Variants in B3GAT2 observed in about 807,000 individuals in gnomAD.
B3GAT2 encodes the protein galactosylgalactosylxylosylprotein 3-beta-glucuronosyltransferase 2.
A neutral mutation model predicts 27.8 loss-of-function variants in B3GAT2; 26 were observed. That is an observed-to-expected ratio of 0.93 (90% CI 0.68 to 1.30). The LOEUF (loss-of-function observed/expected upper bound fraction) is 1.30. Among genes scored for constraint, B3GAT2 ranks in the 50% most tolerant of loss-of-function variants. The probability of loss-of-function intolerance (pLI) is 0.00; values close to 1 mark genes in which losing one functional copy is unlikely to be tolerated. For synonymous variants in B3GAT2, 218 were observed against 195.1 expected (o/e 1.12, Z -0.98); for missense variants, 458 against 459.0 (o/e 1.00, Z 0.02).
chr6:70,901,506 T>C (rs971091775), intron 1 of B3GAT2, among the ~76,000 whole-genome samples: 3 of 152,228 alleles, frequency 2.0e-5, no homozygotes, highest in Non-Finnish European at 2.9e-5. Flanking sequence ...CAAAGGGACA[T>C]AGCCAATTGA....
Position 70,859,691 on chromosome 6 carries a change from A to T in B3GAT2, c.*1972T>A, listed in dbSNP as rs1050183721. 2 of 227,712 alleles carry T rather than the reference A, an allele frequency of 8.8e-6. No individual in the cohort carries two copies. The highest frequency in any genetic ancestry group is 2.9e-4 in the South Asian group (2 of 6,954). The allele number at this position is 227,712 out of a possible 1,614,324, so 14.1% of individuals were successfully genotyped here. ...CTTGAAGAAAAATACATGTAATCTT[A>T]TGCTTTATTGCATACAATGAAAATA... On this transcript the variant is annotated 3_prime_UTR_variant, in exon 4 of 4. Transcript: ENST00000230053.
intron 1 of B3GAT2, among the ~76,000 whole-genome samples, chr6:70,941,492 A>G (rs1321084485): frequency 6.6e-6 from 1 of 152,064 alleles, no homozygotes; most frequent in Admixed American, 6.6e-5. Flanking sequence ...AAGAGGCCAA[A>G]TACTCAACTG....
intron 1 of B3GAT2, among the ~76,000 whole-genome samples, chr6:70,937,190 A>G (rs2150047893): frequency 6.6e-6 from 1 of 152,256 alleles, no homozygotes; most frequent in East Asian, 1.9e-4. Flanking sequence ...CACCCTCCCA[A>G]GACTAAACCA....
intron 1 of B3GAT2, among the ~76,000 whole-genome samples, chr6:70,912,445 T>C (rs1772703051): frequency 6.6e-6 from 1 of 152,204 alleles, no homozygotes; most frequent in African/African-American, 2.4e-5. Flanking sequence ...GATTTGTATA[T>C]GGTGAACCAA....
At chr6:70,952,402 A>G (rs1050962590) in intron 1 of B3GAT2, among the ~76,000 whole-genome samples, 1 of 152,160 alleles carries the variant, frequency 6.6e-6, no homozygotes, top group South Asian at 2.1e-4. Flanking sequence ...GGTGAAACCA[A>G]CTTCACCTGA....
intron 1 of B3GAT2, among the ~76,000 whole-genome samples, chr6:70,915,887 C>T (rs1407562275): frequency 6.6e-6 from 1 of 152,114 alleles, no homozygotes; most frequent in Non-Finnish European, 1.5e-5. Context: ...GCTATGTGGG[C>T]TCTTTTTTGG....
chr6:70,946,046 C>T (rs1288684267), intron 1 of B3GAT2, among the ~76,000 whole-genome samples: 2 of 152,014 alleles, frequency 1.3e-5, no homozygotes, highest in Non-Finnish European at 2.9e-5. Flanking sequence ...ACCACCAGGC[C>T]TGCCCTAAAA....
chr6:70,882,358 G>A (rs1772113079), intron 2 of B3GAT2, among the ~76,000 whole-genome samples: 2 of 152,022 alleles, frequency 1.3e-5, no homozygotes, highest in African/African-American at 4.8e-5. Flanking sequence ...AAAATTAGCT[G>A]GGCATGGTGG....
intron 1 of B3GAT2, among the ~76,000 whole-genome samples, chr6:70,903,670 A>C (rs1375349348): frequency 6.6e-6 from 1 of 152,200 alleles, no homozygotes; most frequent in Non-Finnish European, 1.5e-5. Context: ...CAGAAATTAA[A>C]CAAAATTAAA....
At chr6:70,880,958 C>T (rs1237317199) in intron 2 of B3GAT2, among the ~76,000 whole-genome samples, 1 of 152,182 alleles carries the variant, frequency 6.6e-6, no homozygotes, top group Admixed American at 6.5e-5. Flanking sequence ...TGTGAGCCAC[C>T]ACAACCAGCC....
At chr6:70,921,052 A>G (rs1772860237) in intron 1 of B3GAT2, among the ~76,000 whole-genome samples, 1 of 152,170 alleles carries the variant, frequency 6.6e-6, no homozygotes, top group Non-Finnish European at 1.5e-5. Flanking sequence ...TAGCTGCCTT[A>G]GTATTTTTTC....
chr6:70,872,318 A>T (rs1043071920), intron 2 of B3GAT2, among the ~76,000 whole-genome samples: 1 of 151,380 alleles, frequency 6.6e-6, no homozygotes, highest in Non-Finnish European at 1.5e-5. Context: ...TTGATGAATT[A>T]TTTTTTCCTT....
intron 1 of B3GAT2, among the ~76,000 whole-genome samples, chr6:70,945,454 A>G (rs1028954149): frequency 2.0e-5 from 3 of 152,150 alleles, no homozygotes; most frequent in Non-Finnish European, 2.9e-5. Context: ...GATGCGATCA[A>G]CTGGAAGAAA....
intron 1 of B3GAT2, among the ~76,000 whole-genome samples, chr6:70,937,189 A>T (rs1765299385): frequency 6.6e-6 from 1 of 152,154 alleles, no homozygotes; most frequent in Admixed American, 6.5e-5. Context: ...ACACCCTCCC[A>T]AGACTAAACC....
chr6:70,862,107 A>AGTT, intron 2 of B3GAT2, 129 bp from the exon 3 acceptor site: 1 of 797,342 alleles, frequency 1.3e-6, no homozygotes, highest in Non-Finnish European at 1.9e-6. Flanking sequence ...TGGTTTACAA[A>AGTT]GTTGAATAGG....
In B3GAT2 at chr6:70,956,707, A is replaced by C. The variant is rs1394802044; in HGVS notation, c.-278T>G. 1 of 1,309,782 alleles carries C rather than the reference A, an allele frequency of 7.6e-7. No individual in the cohort carries two copies. Among genetic ancestry groups the C allele is most frequent in the Non-Finnish European group, 9.7e-7 (1 of 1,027,826 alleles). 81.1% of individuals were successfully genotyped at this position (1,309,782 alleles called of 1,614,324 possible). A position where few individuals can be genotyped will look rare whatever the true frequency, so the allele number is the denominator to read the frequency against. The stretch of plus-strand genomic sequence containing the variant: ...GCTGGCGGGAAGCGGGACTCGGTCC[A>C]GCCGCGCGCCGCCGGTCCCGGAGTT... On this transcript the variant is annotated 5_prime_UTR_variant, in exon 1 of 4. Coordinates refer to ENST00000230053, the MANE Select transcript of B3GAT2 (RefSeq NM_080742.3).
At position 70,922,385 on chromosome 6, in the gene B3GAT2, G is replaced by A. The variant is rs541477859; in HGVS notation, c.592-28113C>T. On this transcript the variant is annotated intron_variant, in intron 1 of 3. Coordinates refer to ENST00000230053, the MANE Select transcript of B3GAT2 (RefSeq NM_080742.3). ...ATATAGAACACTGTATCCAACAATC[G>A]CAGAATAAATGTTATTTAAGTGTAC... Among the ~76,000 whole-genome samples, 240 of 152,110 alleles carry A rather than the reference G, an allele frequency of 1.6e-3. 2 individuals are homozygous for A. The highest frequency in any genetic ancestry group is 7.7e-3 in the South Asian group (37 of 4,824).
chr6:70,868,244 T>C (rs1010765079), intron 2 of B3GAT2, among the ~76,000 whole-genome samples: 5 of 152,148 alleles, frequency 3.3e-5, no homozygotes, highest in Non-Finnish European at 5.9e-5. Context: ...CCCTGAAGAT[T>C]GGAATGAGGC....
At chr6:70,884,897 G>C (rs2150027902) in intron 2 of B3GAT2, among the ~76,000 whole-genome samples, 1 of 152,310 alleles carries the variant, frequency 6.6e-6, no homozygotes, top group Middle Eastern at 3.4e-3. Flanking sequence ...CAGCTGCTCA[G>C]GGAGCCCAGG....
Sources: allele counts gnomAD v4.1 joint callset (sites outside exome capture counted in the v4.1 genomes callset), GRCh38; gene constraint gnomAD v4.1.1; transcripts MANE v1.5; gene names NCBI Gene and HGNC (gene_info 2026-07-23, HGNC 2026-07-21).